Variants in STAB2 observed in about 807,000 individuals in gnomAD.
STAB2 encodes the protein stabilin-2.
In STAB2, 288 loss-of-function variants were observed where a neutral mutation model predicts 338.1. That is an observed-to-expected ratio of 0.85 (90% confidence interval 0.77 to 0.94). STAB2 has a LOEUF of 0.94. Ranked by LOEUF, STAB2 falls within the 40% of genes least tolerant of loss-of-function variation. The pLI is 0.00. For synonymous variants in STAB2, 1,202 were observed against 1,193.3 expected (o/e 1.01, Z -0.15); for missense variants, 3,141 against 3,210.1 (o/e 0.98, Z 0.52).
At chr12:103,713,885 T>G (rs1417217617) in intron 42 of STAB2, 117 bp downstream of exon 42, 1 of 1,503,930 alleles carries the variant, frequency 6.6e-7, no homozygotes, top group Non-Finnish European at 9.0e-7. Context: ...GTATTCCATT[T>G]GCCAGGGCAG....
chr12:103,657,973 G>A (rs1178518430), intron 15 of STAB2: 2 of 152,164 alleles, frequency 1.3e-5, no homozygotes, highest in Non-Finnish European at 2.9e-5. Flanking sequence ...CTTCTTCCCA[G>A]TGTATCTTTC....
In STAB2 at chr12:103,662,829, T is replaced by C. The variant is rs1017201347; in HGVS notation, c.1870-17T>C. On this transcript the variant is annotated splice_polypyrimidine_tract_variant and intron_variant, in intron 17 of 68. Transcript: ENST00000388887. ...ACAGAATAGTACAGAATTAGAGATG[T>C]CATTTTTTCTTTCCAGGGACAGATT... The C allele has an allele frequency of 2.5e-6, 4 of 1,613,704 alleles. No homozygotes were observed. Among genetic ancestry groups the C allele is most frequent in the Admixed American group, 3.3e-5 (2 of 60,004 alleles).
intron 8 of STAB2, among the ~76,000 whole-genome samples, chr12:103,639,326 G>A (rs1332812862): frequency 1.3e-5 from 2 of 152,082 alleles, no homozygotes; most frequent in African/African-American, 4.8e-5. Context: ...TTCTTTGTGG[G>A]AAGGGGCTTT....
At chr12:103,734,836 A>G (rs1000356497) in intron 51 of STAB2, among the ~76,000 whole-genome samples, 1 of 152,096 alleles carries the variant, frequency 6.6e-6, no homozygotes, top group Non-Finnish European at 1.5e-5. Context: ...AATTTGCTCC[A>G]TGCTTCTCTC....
chr12:103,765,472 T>C (rs1453502188), intron 68 of STAB2, among the ~76,000 whole-genome samples: 2 of 152,228 alleles, frequency 1.3e-5, no homozygotes, highest in Non-Finnish European at 2.9e-5. Flanking sequence ...GTTTTACCCA[T>C]GAAAAGCCAT....
At chr12:103,612,631 A>T (rs1957143181) in intron 3 of STAB2, among the ~76,000 whole-genome samples, 1 of 152,096 alleles carries the variant, frequency 6.6e-6, no homozygotes, top group Non-Finnish European at 1.5e-5. Context: ...ATGGGTTCAA[A>T]CTTCCTCCTT....
Position 103,684,993 on chromosome 12 carries a change from G to T in STAB2, c.2906G>T (p.Ser969Ile), listed in dbSNP as rs1270997528. The T allele has an allele frequency of 6.2e-7, 1 of 1,613,692 alleles. No homozygotes were observed. The highest frequency in any genetic ancestry group is 1.3e-5 in the African/African-American group (1 of 74,902). The change falls in exon 27 of 69, where the codon AGC becomes ATC. Residue 969 changes from serine to isoleucine, a missense_variant. Coordinates refer to ENST00000388887, the MANE Select transcript of STAB2 (RefSeq NM_017564.10). ...EQTGKCHPLA[S>I]CQSTSSGVWS... ...CTTTCATCTTGGTTTTCTCAGGCAA[G>T]CTGTCAATCTACTTCGTCTGGTGTC... is the stretch of plus-strand genomic sequence containing the variant.
intron 3 of STAB2, among the ~76,000 whole-genome samples, chr12:103,602,463 T>A (rs971458601): frequency 6.6e-6 from 1 of 152,220 alleles, no homozygotes; most frequent in African/African-American, 2.4e-5. Flanking sequence ...AATGTAAGTT[T>A]TCACTTCATT....
chr12:103,746,426 C>A, intron 57 of STAB2, 171 bp from the exon 58 acceptor site: 1 of 614,912 alleles, frequency 1.6e-6, no homozygotes. Context: ...TTCTAGAATC[C>A]CAGAATCTCC....
At chr12:103,691,136 C>G (rs959602636) in intron 30 of STAB2, among the ~76,000 whole-genome samples, 1 of 152,200 alleles carries the variant, frequency 6.6e-6, no homozygotes, top group Non-Finnish European at 1.5e-5. Context: ...GTCAAAGACT[C>G]AGATTCAGAA....
intron 64 of STAB2, 111 bp downstream of exon 64, chr12:103,758,400 C>G (rs2139227637): frequency 4.6e-6 from 7 of 1,526,242 alleles, no homozygotes; most frequent in Non-Finnish European, 6.2e-6. Flanking sequence ...TTATTTAGCT[C>G]ACAGATCATC....
In STAB2 at chr12:103,749,173, C is replaced by T. The variant is rs766490254; in HGVS notation, c.6438+17C>T. The T allele has an allele frequency of 1.3e-6, 2 of 1,583,266 alleles. No individual in the cohort carries two copies. The highest frequency in any genetic ancestry group is 1.7e-6 in the Non-Finnish European group (2 of 1,159,106). On this transcript the variant is annotated intron_variant, in intron 59 of 68. Transcript: ENST00000388887. Reference sequence around the variant, plus strand: ...ACAGGCCCGGTGAGTCGCTCTTTCCCAGGGAAATTTGGGAGCAGCGCCGTG... The same window carrying T: ...ACAGGCCCGGTGAGTCGCTCTTTCCTAGGGAAATTTGGGAGCAGCGCCGTG...
chr12:103,705,344 G>A (rs1416336718), intron 36 of STAB2, among the ~76,000 whole-genome samples: 3 of 152,138 alleles, frequency 2.0e-5, no homozygotes, highest in African/African-American at 7.2e-5. Context: ...TTTTTACCTG[G>A]TTTACTCTAC....
chr12:103,637,365 G>A (rs1312809475), intron 7 of STAB2, 129 bp downstream of exon 7: 30 of 1,253,756 alleles, frequency 2.4e-5, no homozygotes, highest in East Asian at 2.8e-5. Flanking sequence ...TGAGTGAAAC[G>A]TATATAAAAG....
At chr12:103,729,070 C>G (rs775744340) in intron 48 of STAB2, 75 bp downstream of exon 48, 41 of 1,440,918 alleles carry the variant, frequency 2.8e-5, no homozygotes, top group Non-Finnish European at 1.7e-5. Flanking sequence ...GAGCTGGAGG[C>G]CATCATCCTC....
chr12:103,662,822 A>T (rs1181419901), intron 17 of STAB2, 24 bp from the exon 18 acceptor site: 1 of 1,613,458 alleles, frequency 6.2e-7, no homozygotes, highest in Admixed American at 1.7e-5. Flanking sequence ...GTACAGAATT[A>T]GAGATGTCAT....
chr12:103,685,422 C>CTGTGTGTG (rs141365936), intron 27 of STAB2, among the ~76,000 whole-genome samples: 10,895 of 145,630 alleles, frequency 0.075, 448 homozygotes, highest in East Asian at 0.11. Context: ...CTTACCCATG[C>CTGTGTGTG]TGTGTGTGTG....
chr12:103,676,841 G>T (rs1040410163), intron 24 of STAB2, among the ~76,000 whole-genome samples: 14 of 152,164 alleles, frequency 9.2e-5, no homozygotes, highest in African/African-American at 1.2e-4. Context: ...TGTTTTTCAG[G>T]TTTAAGCCCC....
intron 56 of STAB2, 114 bp downstream of exon 56, chr12:103,742,668 C>T: frequency 1.3e-6 from 2 of 1,505,748 alleles, no homozygotes; most frequent in Non-Finnish European, 1.8e-6. Flanking sequence ...CTCTCAGCCA[C>T]ACCCCTCCAA....
Sources: allele counts gnomAD v4.1 joint callset (sites outside exome capture counted in the v4.1 genomes callset), GRCh38; gene constraint gnomAD v4.1.1; transcripts MANE v1.5; gene names NCBI Gene and HGNC (gene_info 2026-07-23, HGNC 2026-07-21).